The following PCDHGA2 variants were observed in gnomAD, a reference collection of about 807,000 sequenced individuals.
PCDHGA2 encodes the protein protocadherin gamma-A2.
PCDHGA2 carries 40 observed loss-of-function variants against 59.2 expected under a neutral mutation model. That is an observed-to-expected ratio of 0.68 (90% CI 0.52 to 0.88). The LOEUF (loss-of-function observed/expected upper bound fraction) is 0.88, where lower values mean the gene tolerates loss of function less well. Among genes scored for constraint, PCDHGA2 ranks in the 40% least tolerant of loss-of-function variants. The pLI is 0.00. For missense variants in PCDHGA2, 1,226 were observed against 1,204.0 expected (o/e 1.02, Z -0.27); for synonymous variants, 560 against 526.0 (o/e 1.06, Z -0.89).
At chr5:141,372,213 C>A (rs999187008) in intron 1 of PCDHGA2, 1 of 1,613,592 alleles carries the variant, frequency 6.2e-7, no homozygotes, top group Non-Finnish European at 8.5e-7. Flanking sequence ...GCTGTCCTAC[C>A]ACATTGTGCA....
chr5:141,355,746 G>A (rs1759960259), intron 1 of PCDHGA2: 2 of 1,613,874 alleles, frequency 1.2e-6, no homozygotes, highest in Non-Finnish European at 1.7e-6. Context: ...CCCTGGACGT[G>A]CAAAGTGGGG....
Position 141,340,422 on chromosome 5 carries a change from A to AT in PCDHGA2, c.1452dup (p.Ala485CysfsTer37). 1 of 1,614,196 alleles carries AT rather than the reference A, an allele frequency of 6.2e-7. No homozygotes were observed. Among genetic ancestry groups the AT allele is most frequent in the Non-Finnish European group, 8.5e-7 (1 of 1,180,046 alleles). On this transcript the variant is annotated frameshift_variant, in exon 1 of 4. Transcript: ENST00000394576. LOFTEE classifies it high-confidence loss of function. ...GCCCATGACCCCGACAGCAACGACAATGCTCATGTAACTTACTCTTTCGCG... is the reference window on the plus strand; with the variant it reads ...GCCCATGACCCCGACAGCAACGACAATTGCTCATGTAACTTACTCTTTCGCG...
chr5:141,417,859 GAT>G, intron 1 of PCDHGA2: 1 of 1,548,208 alleles, frequency 6.5e-7, no homozygotes, highest in Middle Eastern at 1.7e-4. Context: ...CCGAGCGAAC[GAT>G]GGGAGGGAGC....
At chr5:141,427,838 C>T (rs978867590) in intron 1 of PCDHGA2, 4 of 1,546,186 alleles carry the variant, frequency 2.6e-6, no homozygotes, top group Non-Finnish European at 1.8e-6. Flanking sequence ...AGCGTGCCTT[C>T]GACCACGAGC....
At chr5:141,398,483 T>A (rs754131866) in intron 1 of PCDHGA2, 1 of 1,608,486 alleles carries the variant, frequency 6.2e-7, no homozygotes, top group Non-Finnish European at 8.5e-7. Flanking sequence ...TTTTATCACG[T>A]GAATGTGGAG....
At chr5:141,497,077 G>A (rs191605427) in intron 2 of PCDHGA2, among the ~76,000 whole-genome samples, 4 of 151,990 alleles carry the variant, frequency 2.6e-5, no homozygotes, top group East Asian at 3.9e-4. Flanking sequence ...TAATCCCAGC[G>A]ACTTAGGAGG....
intron 1 of PCDHGA2, among the ~76,000 whole-genome samples, chr5:141,462,331 T>C (rs909948238): frequency 6.6e-6 from 1 of 152,244 alleles, no homozygotes; most frequent in African/African-American, 2.4e-5. Context: ...TCTAATTTAA[T>C]TGTATTGTGA....
chr5:141,490,331 C>G lies in PCDHGA2; in HGVS notation c.2425-4476C>G. 6.2e-7 allele frequency: 1 copy of G among 1,614,214 alleles called. No individual in the cohort carries two copies. The highest frequency in any genetic ancestry group is 1.1e-5 in the South Asian group (1 of 91,086). The stretch of plus-strand genomic sequence containing the variant: ...GCCAACCCTGTCCTAGAGAGCACAC[C>G]AGTGGGCACAGTAGTGGGGTTGTTT... On this transcript the variant is annotated intron_variant, in intron 1 of 3. Transcript: ENST00000394576. This position sits in a 1 kb window ranked among gnomAD's most constrained non-coding sequence, Gnocchi z 5.4.
chr5:141,410,435 G>A (rs772158163), intron 1 of PCDHGA2: 1 of 1,614,054 alleles, frequency 6.2e-7, no homozygotes, highest in Non-Finnish European at 8.5e-7. Context: ...CAACTACAGT[G>A]AGGGGACTTT....
chr5:141,471,047 T>C (rs1270779800), intron 1 of PCDHGA2, among the ~76,000 whole-genome samples: 3 of 63,666 alleles, frequency 4.7e-5, no homozygotes. Flanking sequence ...CCAAGCCCTC[T>C]TTTTTTTTTT....
intron 1 of PCDHGA2, among the ~76,000 whole-genome samples, chr5:141,380,646 A>T (rs1221627488): frequency 6.6e-6 from 1 of 152,256 alleles, no homozygotes; most frequent in Non-Finnish European, 1.5e-5. Context: ...AATGCTAGAG[A>T]CAATGAAGCC....
At chr5:141,393,736 A>G in intron 1 of PCDHGA2, 1 of 1,613,892 alleles carries the variant, frequency 6.2e-7, no homozygotes, top group Non-Finnish European at 8.5e-7. Flanking sequence ...AAAAGTCTAG[A>G]TTATGAAGAA....
At chr5:141,357,630 A>G (rs144995438) in intron 1 of PCDHGA2, 4 of 1,613,314 alleles carry the variant, frequency 2.5e-6, no homozygotes, top group African/African-American at 2.7e-5. Context: ...AGGTGAGTCA[A>G]TCTTATAATA....
intron 1 of PCDHGA2, chr5:141,415,756 T>G (rs756759295): frequency 1.5e-4 from 214 of 1,386,812 alleles, no homozygotes; most frequent in African/African-American, 5.9e-4. Flanking sequence ...TTTTTTTTTT[T>G]TTTTTTTTTT....
intron 2 of PCDHGA2, among the ~76,000 whole-genome samples, chr5:141,496,628 C>T (rs928402582): frequency 2.0e-5 from 3 of 152,212 alleles, no homozygotes; most frequent in Non-Finnish European, 2.9e-5. Flanking sequence ...GATCAAAAGG[C>T]TTGGGCTGCC....
chr5:141,395,086 C>A, intron 1 of PCDHGA2: 1 of 1,614,166 alleles, frequency 6.2e-7, no homozygotes, highest in Non-Finnish European at 8.5e-7. Context: ...CAGGAAGTCT[C>A]CCTCACCGCC....
At position 141,340,960 on chromosome 5, in the gene PCDHGA2, C is replaced by G. The variant is rs139922013; in HGVS notation, c.1989C>G (p.Ala663=). The change falls in exon 1 of 4, where the codon GCC becomes GCG. Residue 663 remains alanine (A), a synonymous_variant. Coordinates refer to ENST00000394576, the MANE Select transcript of PCDHGA2 (RefSeq NM_018915.4). The part of the protein sequence containing the change: ...PLSATVTLTV[A]VADRIPDILA... Reference sequence around the variant, plus strand: ...CCGCCACTGTCACGCTCACCGTGGCCGTGGCCGACAGGATCCCCGACATCC... The same window carrying G: ...CCGCCACTGTCACGCTCACCGTGGCGGTGGCCGACAGGATCCCCGACATCC... The G allele has an allele frequency of 1.2e-6, 2 of 1,613,890 alleles. No homozygotes were observed. Among genetic ancestry groups the G allele is most frequent in the Non-Finnish European group, 1.7e-6 (2 of 1,179,848 alleles).
chr5:141,501,635 T>G (rs553343946), intron 2 of PCDHGA2, among the ~76,000 whole-genome samples: 1 of 152,236 alleles, frequency 6.6e-6, no homozygotes, highest in African/African-American at 2.4e-5. Flanking sequence ...TCTCAACCTC[T>G]CTGAGCCCTG....
intron 1 of PCDHGA2, chr5:141,375,512 C>T (rs1300082311): frequency 1.3e-5 from 21 of 1,613,936 alleles, no homozygotes; most frequent in Non-Finnish European, 1.7e-5. Flanking sequence ...TGTGAATGCA[C>T]TGGACCCTGA....
Sources: gnomAD v4.1 joint callset for allele counts (sites outside exome capture counted in the v4.1 genomes callset) on GRCh38, gnomAD v4.1.1 for gene constraint, Gnocchi (gnomAD v3.1) non-coding constraint, MANE v1.5 for transcripts, NCBI Gene and HGNC (gene_info 2026-07-23, HGNC 2026-07-21) for gene names.